The following LTBP3 variants were observed in gnomAD, a reference collection of about 807,000 sequenced individuals.
The protein encoded by LTBP3 is latent-transforming growth factor beta-binding protein 3.
In LTBP3, 97 loss-of-function variants were observed where a neutral mutation model predicts 159.7. The ratio of observed to expected loss-of-function variants is 0.61; its 90% CI spans 0.52 to 0.72. LTBP3 has a LOEUF of 0.72. Ranked by LOEUF, LTBP3 falls within the 30% of genes least tolerant of loss-of-function variation. LTBP3 has a pLI of 0.00. For missense variants in LTBP3, 1,584 were observed against 1,864.3 expected (o/e 0.85, Z 2.77); for synonymous variants, 824 against 777.1 (o/e 1.06, Z -1.00).
Position 65,540,625 on chromosome 11 carries a change from A to G in LTBP3, c.2978-11T>C. On this transcript the variant is annotated splice_polypyrimidine_tract_variant and intron_variant, in intron 21 of 27. Coordinates refer to ENST00000301873, the MANE Select transcript of LTBP3 (RefSeq NM_001130144.3). ...TGCACTCGTCGATGTCTGCGGGGTG[A>G]CAAACACTGGCCGCTCCGGTCCCGC... 1 of 1,584,220 alleles carries G rather than the reference A, an allele frequency of 6.3e-7. No individual in the cohort carries two copies. The highest frequency in any genetic ancestry group is 8.6e-7 in the Non-Finnish European group (1 of 1,162,908).
Position 65,538,816 on chromosome 11 carries a change from G to C in LTBP3, c.*264C>G. On this transcript the variant is annotated 3_prime_UTR_variant, in exon 28 of 28. Coordinates refer to ENST00000301873, the MANE Select transcript of LTBP3 (RefSeq NM_001130144.3). ...ACATCAATTTGCTTCGAAAGCCAAG[G>C]GTAAAGAGGCACGATCTGATTTATC... 1 of 828,284 alleles carries C rather than the reference G, an allele frequency of 1.2e-6. No homozygotes were observed. Among genetic ancestry groups the C allele is most frequent in the Non-Finnish European group, 1.8e-6 (1 of 567,454 alleles). 51.3% of individuals were successfully genotyped at this position (828,284 alleles called of 1,614,324 possible).
At position 65,539,210 on chromosome 11, in the gene LTBP3, A is replaced by G; in HGVS notation, c.3782T>C (p.Leu1261Pro). 1 of 1,526,396 alleles carries G rather than the reference A, an allele frequency of 6.6e-7. No homozygotes were observed. The allele number at this position is 1,526,396 out of a possible 1,614,324, so 94.6% of individuals were successfully genotyped here. Reference protein sequence around the residue: ...RCVDIDECRELNQRGLLCKSE... With the variant: ...RCVDIDECREPNQRGLLCKSE... ...CTTGCACAGCAGCCCGCGCTGGTTC[A>G]GCTCTCGGCACTCGTCGATATCTGA... The change falls in exon 28 of 28, where the codon CTG becomes CCG. Residue 1261 changes from leucine to proline, a missense_variant. Leu to Pro is a moderately conservative substitution (Grantham distance 98, BLOSUM62 -3). Transcript: ENST00000301873.
intron 10 of LTBP3, 36 bp from the exon 11 acceptor site, chr11:65,551,260 T>A (rs1565098570): frequency 6.5e-7 from 1 of 1,531,118 alleles, no homozygotes. Flanking sequence ...AGAGACGATA[T>A]TGACTGAAGC....
chr11:65,548,267 A>G (rs1856466594), intron 11 of LTBP3: 4 of 663,550 alleles, frequency 6.0e-6, no homozygotes, highest in Non-Finnish European at 1.1e-5. Flanking sequence ...GTATCACCCC[A>G]CACCCAGGCC....
intron 9 of LTBP3, 27 bp from the exon 10 acceptor site, chr11:65,551,501 C>T: frequency 6.2e-7 from 1 of 1,614,118 alleles, no homozygotes; most frequent in Non-Finnish European, 8.5e-7. Context: ...CATGAGCCCT[C>T]CTGTCCCTCG....
In LTBP3 at chr11:65,551,229, G is replaced by A. The variant is rs768225895; in HGVS notation, c.1622-5C>T. 2.6e-6 allele frequency: 4 copies of A among 1,544,918 alleles called. No homozygotes were observed. Among genetic ancestry groups the A allele is most frequent in the African/African-American group, 1.4e-5 (1 of 73,192 alleles). ...GCGAGGGACGGGAGATCAGCTCTGC[G>A]GGCGGCAGTGCACTCTGGTCAGAGA... On this transcript the variant is annotated splice_polypyrimidine_tract_variant and splice_region_variant and intron_variant, in intron 10 of 27. Coordinates refer to ENST00000301873, the MANE Select transcript of LTBP3 (RefSeq NM_001130144.3).
Position 65,553,948 on chromosome 11 carries a change from CG to C in LTBP3, c.662-46del, listed in dbSNP as rs1856713578. On this transcript the variant is annotated intron_variant, in intron 2 of 27. Transcript: ENST00000301873. The surrounding 1 kb of genome is among the most constrained non-coding windows in gnomAD (Gnocchi z 6.5). Reference sequence around the variant, plus strand: ...CCTCAGGGCTGCCCGCACCGCGCCGCGGGTCACCGCGCTGAGCTCCTCCAGG... The same window carrying C: ...CCTCAGGGCTGCCCGCACCGCGCCGCGGTCACCGCGCTGAGCTCCTCCAGG... 1 of 1,526,364 alleles carries C rather than the reference CG, an allele frequency of 6.6e-7. No individual in the cohort carries two copies. The highest frequency in any genetic ancestry group is 2.4e-5 in the East Asian group (1 of 42,496). The allele number at this position is 1,526,364 out of a possible 1,614,324, so 94.6% of individuals were successfully genotyped here.
At position 65,552,924 on chromosome 11, in the gene LTBP3, A is replaced by G. The variant is rs746810834; in HGVS notation, c.1122T>C (p.Pro374=). 1 of 1,614,172 alleles carries G rather than the reference A, an allele frequency of 6.2e-7. No homozygotes were observed. The highest frequency in any genetic ancestry group is 1.1e-5 in the South Asian group (1 of 91,086). Residue 374 remains proline (P), a synonymous_variant, in exon 6 of 28, where the codon CCT becomes CCC. Coordinates refer to ENST00000301873, the MANE Select transcript of LTBP3 (RefSeq NM_001130144.3). This position sits in a 1 kb window ranked among gnomAD's most constrained non-coding sequence, Gnocchi z 6.0. ...VCRHGDCLNN[P]GSYRCVCPPG... ...GTGGGCAGACACAGCGATAGGAGCC[A>G]GGGTTGTTGAGGCAGTCACCATGGC...
At chr11:65,549,394 A>G (rs1353824614) in intron 11 of LTBP3, among the ~76,000 whole-genome samples, 2 of 150,252 alleles carry the variant, frequency 1.3e-5, no homozygotes, top group Non-Finnish European at 3.0e-5. Context: ...TCCCTTCCTC[A>G]TGTCTCTGGC....
intron 16 of LTBP3, chr11:65,544,552 C>T (rs953100603): frequency 1.2e-4 from 18 of 152,516 alleles, no homozygotes; most frequent in African/African-American, 3.9e-4. Flanking sequence ...AGGCTTCAGC[C>T]TCAGTCCAAC....
chr11:65,551,688 A>C, intron 8 of LTBP3, 124 bp from the exon 9 acceptor site: 2 of 1,267,970 alleles, frequency 1.6e-6, no homozygotes, highest in Non-Finnish European at 2.3e-6. Flanking sequence ...CTCCAGGTCA[A>C]GGGTCAGGGG....
Position 65,546,495 on chromosome 11 carries a change from C to G in LTBP3, c.2300G>C (p.Arg767Pro). Residue 767 changes from arginine to proline, a missense_variant, in exon 16 of 28, where the codon CGC (arginine) becomes CCC (proline). Transcript: ENST00000301873. This position sits in a 1 kb window ranked among gnomAD's most constrained non-coding sequence, Gnocchi z 4.0. Reference sequence around the variant, plus strand: ...CGCGTAGCCCTGGGCACAGGTGCAGCGGAAGGAGCCCGGGAGGTTCTCGCA... The same window carrying G: ...CGCGTAGCCCTGGGCACAGGTGCAGGGGAAGGAGCCCGGGAGGTTCTCGCA... ...GWCENLPGSF[R>P]CTCAQGYAPA... 2 of 1,597,276 alleles carry G rather than the reference C, an allele frequency of 1.3e-6. No individual in the cohort carries two copies. The highest frequency in any genetic ancestry group is 2.2e-5 in the South Asian group (2 of 90,356).
rs1323839862 is a variant in LTBP3, at chr11:65,546,861, C to T, written c.2167G>A (p.Gly723Arg). Reference protein sequence around the residue: ...CPDGKCENKPGSFKCIACQPG... With the variant: ...CPDGKCENKPRSFKCIACQPG... ...TGACAGGCGATGCACTTGAAGCTCC[C>T]GGGCTTGTTCTCGCATTTGCCATCC... Residue 723 changes from glycine (G) to arginine (R), a missense_variant, in exon 15 of 28, where the codon GGG becomes AGG. Gly to Arg is a moderately radical substitution (Grantham distance 125, BLOSUM62 -2). This residue lies in a region of LTBP3 where 565 missense variants were observed against 677.7 expected (regional missense o/e 0.83). Coordinates refer to ENST00000301873, the MANE Select transcript of LTBP3 (RefSeq NM_001130144.3). The surrounding 1 kb of genome is among the most constrained non-coding windows in gnomAD (Gnocchi z 4.0). The T allele has an allele frequency of 1.9e-6, 3 of 1,612,066 alleles. No homozygotes were observed. The highest frequency in any genetic ancestry group is 2.2e-5 in the East Asian group (1 of 44,898).
At chr11:65,540,996 T>A (rs746305096) in intron 20 of LTBP3, 42 bp from the exon 21 acceptor site, 5 of 1,598,848 alleles carry the variant, frequency 3.1e-6, no homozygotes, top group Non-Finnish European at 4.3e-6. Flanking sequence ...GAGGCAGGAC[T>A]GAGCGCGCGC....
intron 24 of LTBP3, 23 bp downstream of exon 24, chr11:65,539,990 C>T (rs1380042181): frequency 6.8e-7 from 1 of 1,473,958 alleles, no homozygotes; most frequent in African/African-American, 1.4e-5. Context: ...CCGGGATCGG[C>T]CAAGGCCAAC....
At chr11:65,550,949 C>T (rs945463220) in intron 11 of LTBP3, among the ~76,000 whole-genome samples, 177 bp downstream of exon 11, 1 of 152,268 alleles carries the variant, frequency 6.6e-6, no homozygotes, top group Non-Finnish European at 1.5e-5. Flanking sequence ...AACCACCATG[C>T]TACCTGGATC....
chr11:65,539,981 C>T, intron 24 of LTBP3, 32 bp downstream of exon 24: 1 of 1,461,198 alleles, frequency 6.8e-7, no homozygotes. Flanking sequence ...GACAGGGCCC[C>T]GGGATCGGCC....
Position 65,539,014 on chromosome 11 carries a change from G to A in LTBP3, c.*66C>T, listed in dbSNP as rs1392550807. 3.0e-6 allele frequency: 4 copies of A among 1,323,534 alleles called. No individual in the cohort carries two copies. The highest frequency in any genetic ancestry group is 3.9e-6 in the Non-Finnish European group (4 of 1,037,872). 82.0% of individuals were successfully genotyped at this position (1,323,534 alleles called of 1,614,324 possible). On this transcript the variant is annotated 3_prime_UTR_variant, in exon 28 of 28. Transcript: ENST00000301873. ...CCGAGCCACAAGTCGGGGCAGAAGT[G>A]AGGCCGAGCTCGCGGAAATCCCTCA...
At chr11:65,544,776 T>A (rs1159416599) in intron 16 of LTBP3, 1 of 152,880 alleles carries the variant, frequency 6.5e-6, no homozygotes, top group Non-Finnish European at 1.5e-5. Flanking sequence ...ATTCCCCTCC[T>A]GCTCCTGTTA....
Sources: allele counts gnomAD v4.1 joint callset (sites outside exome capture counted in the v4.1 genomes callset), GRCh38; gene constraint gnomAD v4.1.1; regional missense constraint gnomAD v4.1.1; non-coding constraint Gnocchi (gnomAD v3.1); transcripts MANE v1.5; gene names NCBI Gene and HGNC (gene_info 2026-07-23, HGNC 2026-07-21).